PLCL1: variants seen among roughly 807,000 people sequenced by gnomAD.
The protein encoded by PLCL1 is phospholipase C like 1 (inactive).
In PLCL1, 41 loss-of-function variants were observed where a neutral mutation model predicts 84.4. That is an observed-to-expected ratio of 0.49 (90% CI 0.38 to 0.63). The LOEUF is 0.63. Ranked by LOEUF, PLCL1 falls within the 30% of genes least tolerant of loss-of-function variation. The probability of loss-of-function intolerance (pLI) is 0.00; values close to 1 mark genes in which losing one functional copy is unlikely to be tolerated. For synonymous variants in PLCL1, 490 were observed against 488.3 expected (o/e 1.00, Z -0.05); for missense variants, 1,206 against 1,367.8 (o/e 0.88, Z 1.87).
rs796575944 is a variant in PLCL1 at position 197,828,226 on chromosome 2, T to C, written c.240+22887T>C. ...AATTATGTTTTATTTGATAAAACCA[T>C]TTGCAAGAGGTTGGTTGGTTCACGG... On this transcript the variant is annotated intron_variant, in intron 1 of 5. Transcript: ENST00000428675. 2.0e-4 allele frequency among the ~76,000 whole-genome samples: 30 copies of C among 152,252 alleles called. 1 individual carries two copies. The highest frequency in any genetic ancestry group is 6.5e-4 in the African/African-American group (27 of 41,586).
At chr2:198,120,914 T>C (rs1486062650) in intron 5 of PLCL1, among the ~76,000 whole-genome samples, 8 of 152,100 alleles carry the variant, frequency 5.3e-5, no homozygotes, top group Non-Finnish European at 8.8e-5. Context: ...ATAGTGGCTG[T>C]ACTAATTTAC....
intron 1 of PLCL1, among the ~76,000 whole-genome samples, chr2:198,061,871 T>C (rs978752168): frequency 3.3e-5 from 5 of 152,172 alleles, no homozygotes; most frequent in South Asian, 2.1e-4. Context: ...AGTGCTGGGA[T>C]TACAGGTGTG....
At chr2:197,908,270 T>C (rs1688420506) in intron 1 of PLCL1, among the ~76,000 whole-genome samples, 1 of 152,196 alleles carries the variant, frequency 6.6e-6, no homozygotes, top group African/African-American at 2.4e-5. Context: ...TGACTAGAAA[T>C]AAAATAGGAA....
chr2:197,984,869 A>T (rs181716737), intron 1 of PLCL1, among the ~76,000 whole-genome samples: 1 of 152,286 alleles, frequency 6.6e-6, no homozygotes, highest in East Asian at 1.9e-4. Context: ...ATTTAGCCCT[A>T]TTCATCCTTT....
chr2:197,923,643 G>A (rs1451968955), intron 1 of PLCL1, among the ~76,000 whole-genome samples: 3 of 149,424 alleles, frequency 2.0e-5, no homozygotes, highest in Non-Finnish European at 3.0e-5. Context: ...ATGGGATGGC[G>A]GCCGGGCGCA....
At chr2:198,073,801 T>C (rs1692516652) in intron 1 of PLCL1, among the ~76,000 whole-genome samples, 1 of 152,202 alleles carries the variant, frequency 6.6e-6, no homozygotes, top group African/African-American at 2.4e-5. Context: ...GTCCATTTGT[T>C]GATATATACA....
intron 1 of PLCL1, among the ~76,000 whole-genome samples, chr2:198,057,667 A>G (rs1692100463): frequency 6.6e-6 from 1 of 152,242 alleles, no homozygotes; most frequent in Non-Finnish European, 1.5e-5. Context: ...GATCTGCCTG[A>G]CAAAGTCTAT....
chr2:197,970,128 G>T (rs2105796544), intron 1 of PLCL1, among the ~76,000 whole-genome samples: 1 of 152,294 alleles, frequency 6.6e-6, no homozygotes, highest in East Asian at 1.9e-4. Context: ...ATAGAGAAAA[G>T]AAATTTATTT....
At chr2:197,833,098 G>A (rs1176052440) in intron 1 of PLCL1, among the ~76,000 whole-genome samples, 6 of 152,194 alleles carry the variant, frequency 3.9e-5, no homozygotes, top group East Asian at 1.9e-4. Flanking sequence ...AGCTACTCAG[G>A]AGGCTGAGGC....
In PLCL1 at chr2:197,939,717, CTTTTTTT is replaced by C. The variant is rs869135841; in HGVS notation, c.240+134393_240+134399del. Among the ~76,000 whole-genome samples the C allele has an allele frequency of 1.7e-3, 187 of 112,164 alleles. 1 individual carries two copies. Among genetic ancestry groups the C allele is most frequent in the Admixed American group, 2.4e-3 (25 of 10,624 alleles). The allele number at this position is 112,164 out of a possible 152,430, so 73.6% of individuals were successfully genotyped here. ...TACTGGGGATTGGGACTTCAACAGA[CTTTTTTT>C]TTTTTTTTTTTTTTGGCAGAGGAGG... On this transcript the variant is annotated intron_variant, in intron 1 of 5. Coordinates refer to ENST00000428675, the MANE Select transcript of PLCL1 (RefSeq NM_006226.4).
chr2:197,965,712 G>A (rs1689716181), intron 1 of PLCL1, among the ~76,000 whole-genome samples: 1 of 151,962 alleles, frequency 6.6e-6, no homozygotes, highest in Admixed American at 6.6e-5. Flanking sequence ...CACTGTTTTT[G>A]CTATATCCCA....
intron 1 of PLCL1, among the ~76,000 whole-genome samples, chr2:197,958,158 A>G (rs1171329971): frequency 2.6e-5 from 4 of 152,014 alleles, no homozygotes; most frequent in Admixed American, 1.3e-4. Flanking sequence ...AAGTTTACAT[A>G]TGAGTTAATT....
At chr2:197,817,068 A>G (rs1690705160) in intron 1 of PLCL1, among the ~76,000 whole-genome samples, 1 of 152,156 alleles carries the variant, frequency 6.6e-6, no homozygotes, top group South Asian at 2.1e-4. Context: ...GAGACTGCCT[A>G]GTGTTAAAGG....
chr2:197,898,235 T>TG (rs1263638212), intron 1 of PLCL1, among the ~76,000 whole-genome samples: 1 of 152,170 alleles, frequency 6.6e-6, no homozygotes, highest in African/African-American at 2.4e-5. Flanking sequence ...TATGAGTTCT[T>TG]GGGGGCCTTC....
intron 1 of PLCL1, among the ~76,000 whole-genome samples, chr2:197,925,948 T>A (rs924203555): frequency 6.6e-6 from 1 of 152,240 alleles, no homozygotes; most frequent in Admixed American, 6.5e-5. Context: ...ACATTCTGAA[T>A]GAAATTCAGT....
At chr2:198,022,307 A>C (rs1262217202) in intron 1 of PLCL1, among the ~76,000 whole-genome samples, 1 of 152,214 alleles carries the variant, frequency 6.6e-6, no homozygotes, top group East Asian at 1.9e-4. Flanking sequence ...CTGAATGGGC[A>C]AATGCTGGAT....
intron 1 of PLCL1, among the ~76,000 whole-genome samples, chr2:197,884,059 G>T (rs886935029): frequency 6.6e-6 from 1 of 152,134 alleles, no homozygotes; most frequent in African/African-American, 2.4e-5. Context: ...TAAAATGGGG[G>T]TTCTACCTAA....
intron 1 of PLCL1, among the ~76,000 whole-genome samples, chr2:197,818,155 AC>A (rs1690730931): frequency 6.6e-6 from 1 of 152,098 alleles, no homozygotes; most frequent in Non-Finnish European, 1.5e-5. Flanking sequence ...TGATAGATTT[AC>A]CAATAGGGAG....
intron 1 of PLCL1, among the ~76,000 whole-genome samples, chr2:198,009,296 C>A (rs940314131): frequency 1.1e-4 from 17 of 151,918 alleles, no homozygotes; most frequent in African/African-American, 3.9e-4. Context: ...ATGTTTCTTT[C>A]TAGGAGTTTA....
Sources: allele counts gnomAD v4.1 joint callset (sites outside exome capture counted in the v4.1 genomes callset), GRCh38; gene constraint gnomAD v4.1.1; transcripts MANE v1.5; gene names NCBI Gene and HGNC (gene_info 2026-07-23, HGNC 2026-07-21).